Variants in ENTPD1 observed in about 807,000 individuals in gnomAD.
The protein encoded by ENTPD1 is ATP diphosphohydrolase.
Under a neutral mutation model 57.0 loss-of-function variants are expected in ENTPD1, and 33 were observed. The ratio of observed to expected loss-of-function variants is 0.58; its 90% CI spans 0.44 to 0.77. The LOEUF (loss-of-function observed/expected upper bound fraction) is 0.77, where lower values mean the gene tolerates loss of function less well. Ranked by LOEUF, ENTPD1 falls within the 30% of genes least tolerant of loss-of-function variation. The pLI, the probability that ENTPD1 is intolerant of heterozygous loss-of-function variation, is 0.00. For synonymous variants in ENTPD1, 202 were observed against 218.8 expected (o/e 0.92, Z 0.68); for missense variants, 501 against 603.4 (o/e 0.83, Z 1.78).
upstream of ENTPD1, chr10:95,756,132 TTATA>T: frequency 6.4e-7 from 1 of 1,550,788 alleles, no homozygotes. Flanking sequence ...CAAGGGTCTG[TTATA>T]TCTCTGTTTC....
chr10:95,712,122 G>A, intron 1 of ENTPD1: 1 of 1,383,948 alleles, frequency 7.2e-7, no homozygotes, highest in South Asian at 1.2e-5. Context: ...AAAAGGATTT[G>A]TGTGACTAGT....
chr10:95,772,578 T>G (rs550018411), intron 1 of ENTPD1, among the ~76,000 whole-genome samples: 1 of 152,206 alleles, frequency 6.6e-6, no homozygotes, highest in Non-Finnish European at 1.5e-5. Context: ...CAGGCTCCAC[T>G]ACTAATTCTA....
the ENTPD1 span, among the ~76,000 whole-genome samples, chr10:95,702,219 T>C: frequency 1.3e-5 from 2 of 151,982 alleles, no homozygotes; most frequent in African/African-American, 4.8e-5. Flanking sequence ...TAACAATTGG[T>C]ATAGACTTAA....
chr10:95,758,369 G>A (rs185848068), intron 1 of ENTPD1, among the ~76,000 whole-genome samples: 1 of 152,286 alleles, frequency 6.6e-6, no homozygotes, highest in African/African-American at 2.4e-5. Context: ...GACTGAATGA[G>A]GGATTCATGC....
intron 1 of ENTPD1, among the ~76,000 whole-genome samples, chr10:95,802,142 T>C (rs1439294078): frequency 6.6e-6 from 1 of 152,182 alleles, no homozygotes; most frequent in Non-Finnish European, 1.5e-5. Context: ...TCAAATACAT[T>C]TAAGAAATAC....
Position 95,871,916 on chromosome 10 carries a change from G to A in ENTPD1, c.*5533G>A. ...AGAGAGGGAAGAAAAAGTCTTGGGA[G>A]CTAGTCAGGGAATAGTGTGTATTTG... On this transcript the variant is annotated 3_prime_UTR_variant, in exon 10 of 10. Coordinates refer to ENST00000371205, the MANE Select transcript of ENTPD1 (RefSeq NM_001776.6). 1.0e-6 allele frequency: 1 copy of A among 985,378 alleles called. No individual in the cohort carries two copies. Among genetic ancestry groups the A allele is most frequent in the Non-Finnish European group, 1.2e-6 (1 of 829,930 alleles). 61.0% of individuals were successfully genotyped at this position (985,378 alleles called of 1,614,324 possible).
intron 1 of ENTPD1, among the ~76,000 whole-genome samples, chr10:95,794,910 A>G (rs1423975788): frequency 6.6e-6 from 1 of 152,178 alleles, no homozygotes; most frequent in Non-Finnish European, 1.5e-5. Context: ...AAATACTGTG[A>G]TTAGAGAAGT....
At chr10:95,856,671 T>TATATATATATACAC (rs571622251) in intron 7 of ENTPD1, among the ~76,000 whole-genome samples, 1 of 146,780 alleles carries the variant, frequency 6.8e-6, no homozygotes, top group African/African-American at 2.5e-5. Context: ...TATATATATA[T>TATATATATATACAC]ACACACACAT....
Position 95,868,485 on chromosome 10 carries a change from G to C in ENTPD1, c.*2102G>C, listed in dbSNP as rs1290731389. ...TTTAATGTTTGCTCACAGCATAGTAGATTGACATCAAATAGTGGCCGATGA... is the reference window on the plus strand; with the variant it reads ...TTTAATGTTTGCTCACAGCATAGTACATTGACATCAAATAGTGGCCGATGA... On this transcript the variant is annotated 3_prime_UTR_variant, in exon 10 of 10. Coordinates refer to ENST00000371205, the MANE Select transcript of ENTPD1 (RefSeq NM_001776.6). 1 of 985,292 alleles carries C rather than the reference G, an allele frequency of 1.0e-6. No homozygotes were observed. Among genetic ancestry groups the C allele is most frequent in the Non-Finnish European group, 1.2e-6 (1 of 829,946 alleles). The allele number at this position is 985,292 out of a possible 1,614,324, so 61.0% of individuals were successfully genotyped here. A position where few individuals can be genotyped will look rare whatever the true frequency, so the allele number is the denominator to read the frequency against.
chr10:95,694,421 TA>T, the ENTPD1 span, among the ~76,000 whole-genome samples: 29,907 of 149,196 alleles, frequency 0.2, 3,119 homozygotes, highest in Middle Eastern at 0.29. Context: ...ATGGCTTTTT[TA>T]AAAAAAAAAA....
chr10:95,797,141 A>G (rs1053284465), intron 1 of ENTPD1, among the ~76,000 whole-genome samples: 8 of 152,166 alleles, frequency 5.3e-5, no homozygotes, highest in African/African-American at 1.9e-4. Flanking sequence ...GGTGGAATCA[A>G]CAAAACTTGG....
chr10:95,732,383 C>T (rs919244945), intron 1 of ENTPD1, among the ~76,000 whole-genome samples: 1 of 152,174 alleles, frequency 6.6e-6, no homozygotes, highest in African/African-American at 2.4e-5. Flanking sequence ...TACAACAAAG[C>T]TATTCCACAC....
intron 1 of ENTPD1, among the ~76,000 whole-genome samples, chr10:95,783,796 A>C (rs1299750415): frequency 1.3e-5 from 2 of 151,808 alleles, no homozygotes; most frequent in Admixed American, 1.3e-4. Context: ...ATTTGAATTT[A>C]TTTTTAGGGC....
the ENTPD1 span, among the ~76,000 whole-genome samples, chr10:95,699,032 C>T: frequency 2.2e-3 from 331 of 152,188 alleles, 1 homozygote; most frequent in African/African-American, 7.4e-3. Flanking sequence ...AACCCAAGGC[C>T]GAGTACAGTG....
intron 9 of ENTPD1, among the ~76,000 whole-genome samples, chr10:95,865,525 C>A (rs1223853524): frequency 6.6e-6 from 1 of 152,126 alleles, no homozygotes; most frequent in Non-Finnish European, 1.5e-5. Context: ...ACATTTTACC[C>A]CCTGTATTAA....
intron 1 of ENTPD1, among the ~76,000 whole-genome samples, chr10:95,810,297 C>A: frequency 7.1e-6 from 1 of 140,848 alleles, no homozygotes; most frequent in Non-Finnish European, 1.5e-5. Context: ...CCAGATGGGG[C>A]GGTGGCTGGG....
At chr10:95,759,332 A>T (rs1221484451) in intron 1 of ENTPD1, among the ~76,000 whole-genome samples, 1 of 152,186 alleles carries the variant, frequency 6.6e-6, no homozygotes, top group Non-Finnish European at 1.5e-5. Context: ...ATGCCAGGGC[A>T]CCCTGTTGGG....
upstream of ENTPD1, chr10:95,756,122 C>G (rs2098022292): frequency 6.5e-7 from 1 of 1,543,166 alleles, no homozygotes; most frequent in Non-Finnish European, 8.7e-7. Context: ...CCCACGAGCC[C>G]AAGGGTCTGT....
upstream of ENTPD1, chr10:95,755,782 T>G: frequency 1.3e-6 from 2 of 1,531,816 alleles, no homozygotes; most frequent in Non-Finnish European, 1.8e-6. Flanking sequence ...AACTTTCTTA[T>G]TATCTAGCTT....
Sources: allele counts gnomAD v4.1 joint callset (sites outside exome capture counted in the v4.1 genomes callset), GRCh38; gene constraint gnomAD v4.1.1; transcripts MANE v1.5; gene names NCBI Gene and HGNC (gene_info 2026-07-23, HGNC 2026-07-21).